CYP1B1: variants seen among roughly 807,000 people sequenced by gnomAD.
CYP1B1 encodes cytochrome P450 1B1.
CYP1B1 carries 22 observed loss-of-function variants against 29.9 expected under a neutral mutation model. The ratio of observed to expected loss-of-function variants is 0.74; its 90% confidence interval spans 0.53 to 1.05. CYP1B1 has a LOEUF of 1.05. CYP1B1 is among the 50% of genes least tolerant of loss of function. The pLI, the probability that CYP1B1 is intolerant of heterozygous loss-of-function variation, is 0.00. For missense variants in CYP1B1, 883 were observed against 746.9 expected (o/e 1.18, Z -2.12); for synonymous variants, 375 against 320.0 (o/e 1.17, Z -1.83).
intron 2 of CYP1B1, among the ~76,000 whole-genome samples, chr2:38,072,691 A>G (rs965083230): frequency 4.6e-5 from 7 of 152,214 alleles, no homozygotes; most frequent in African/African-American, 1.7e-4. Flanking sequence ...AGAAACATGT[A>G]TGGTGGGGAG....
At position 38,067,942 on chromosome 2, in the gene CYP1B1, A is replaced by C. The variant is rs1227211566; in HGVS notation, c.*2780T>G. 5.2e-6 allele frequency: 1 copy of C among 193,582 alleles called. No individual in the cohort carries two copies. Among genetic ancestry groups the C allele is most frequent in the African/African-American group, 2.3e-5 (1 of 43,234 alleles). 12.0% of individuals were successfully genotyped at this position (193,582 alleles called of 1,614,324 possible). A position where few individuals can be genotyped will look rare whatever the true frequency, so the allele number is the denominator to read the frequency against. On this transcript the variant is annotated 3_prime_UTR_variant, in exon 3 of 3. Transcript: ENST00000610745. Reference sequence around the variant, plus strand: ...CAACTATTTGATCTAATATAGATCTACTAGGAAAATATTAAGGCTGTAGTA... The same window carrying C: ...CAACTATTTGATCTAATATAGATCTCCTAGGAAAATATTAAGGCTGTAGTA...
Position 38,071,206 on chromosome 2 carries a change from G to T in CYP1B1, c.1148C>A (p.Ala383Asp), listed in dbSNP as rs1325509040. 1.2e-6 allele frequency: 2 copies of T among 1,613,516 alleles called. No individual in the cohort carries two copies. Among genetic ancestry groups the T allele is most frequent in the Non-Finnish European group, 1.7e-6 (2 of 1,180,032 alleles). The change falls in exon 3 of 3, where the codon GCC (alanine) becomes GAC (aspartate). Residue 383 changes from alanine to aspartate, a missense_variant. Physicochemically the swap from Ala to Asp is moderately radical, Grantham distance 126. Transcript: ENST00000610745. ...GAAGCGCATGGCTTCATAAAGGAAG[G>T]CCAGGACATAGGGCAGGTTGGGCTG... Reference protein sequence around the residue: ...GDQPNLPYVLAFLYEAMRFSS... With the variant: ...GDQPNLPYVLDFLYEAMRFSS...
chr2:38,070,842 A>C lies in CYP1B1; in HGVS notation c.1512T>G (p.Asn504Lys). The C allele has an allele frequency of 6.2e-7, 1 of 1,614,226 alleles. No homozygotes were observed. The highest frequency in any genetic ancestry group is 8.5e-7 in the Non-Finnish European group (1 of 1,180,040). ...RANPNEPAKM[N>K]FSYGLTIKPK... ...GTTTAATGGTTAGACCATAACTGAAATTCATTTTCGCAGGCTCATTTGGGT... is the reference window on the plus strand; with the variant it reads ...GTTTAATGGTTAGACCATAACTGAACTTCATTTTCGCAGGCTCATTTGGGT... Residue 504 changes from asparagine to lysine, a missense_variant, in exon 3 of 3, where the codon AAT becomes AAG. Transcript: ENST00000610745.
Position 38,071,043 on chromosome 2 carries a change from C to T in CYP1B1, c.1311G>A (p.Pro437=), listed in dbSNP as rs760289994. 13 of 1,613,924 alleles carry T rather than the reference C, an allele frequency of 8.1e-6. No homozygotes were observed. The highest frequency in any genetic ancestry group is 4.0e-5 in the African/African-American group (3 of 74,906). The change falls in exon 3 of 3, where the codon CCG becomes CCA. Residue 437 remains proline (P), a synonymous_variant. Coordinates refer to ENST00000610745, the MANE Select transcript of CYP1B1 (RefSeq NM_000104.4). ...VNHDPLKWPN[P]ENFDPARFLD... ...AGAATCGAGCTGGATCAAAGTTCTC[C>T]GGGTTAGGCCACTTCAGTGGGTCAT... is the stretch of plus-strand genomic sequence containing the variant.
chr2:38,074,236 G>A (rs1379986913), intron 2 of CYP1B1, 110 bp downstream of exon 2: 3 of 1,248,924 alleles, frequency 2.4e-6, no homozygotes, highest in East Asian at 5.0e-5. Flanking sequence ...GTGGGGACCT[G>A]GAGCGAAACC....
Position 38,069,262 on chromosome 2 carries a change from T to G in CYP1B1, c.*1460A>C, listed in dbSNP as rs137915099. ...AAAAAGCAGGCATTAATGTTAACTT[T>G]CAAAAAATCATCTAGAAGAGAAACT... On this transcript the variant is annotated 3_prime_UTR_variant, in exon 3 of 3. Transcript: ENST00000610745. 2 of 221,634 alleles carry G rather than the reference T, an allele frequency of 9.0e-6. No individual in the cohort carries two copies. The highest frequency in any genetic ancestry group is 1.8e-5 in the Non-Finnish European group (2 of 110,804). 13.7% of individuals were successfully genotyped at this position (221,634 alleles called of 1,614,324 possible).
At position 38,075,094 on chromosome 2, in the gene CYP1B1, CATTCAGCACCACTATGGG is replaced by C. The variant is rs1682507413; in HGVS notation, c.277_294del (p.Pro93_Asn98del). On this transcript the variant is annotated inframe_deletion, in exon 2 of 3. Coordinates refer to ENST00000610745, the MANE Select transcript of CYP1B1 (RefSeq NM_000104.4). ...AGGGCCTGGTGGATGGCGCGCTCGC[CATTCAGCACCACTATGGG>C]GCAGCTGCCCAGGCGGATCTGGAAA... is the stretch of plus-strand genomic sequence containing the variant. 6.3e-7 allele frequency: 1 copy of C among 1,580,306 alleles called. No homozygotes were observed. Among genetic ancestry groups the C allele is most frequent in the Non-Finnish European group, 8.5e-7 (1 of 1,170,986 alleles).
At chr2:38,073,833 T>C (rs923270552) in intron 2 of CYP1B1, 2 of 155,192 alleles carry the variant, frequency 1.3e-5, no homozygotes, top group Admixed American at 6.3e-5. Context: ...CCGGCCTCCA[T>C]GGGCTTCCTT....
rs1387526112 is a variant in CYP1B1, at chr2:38,075,377, G to A, written c.12C>T (p.Ser4=). Residue 4 remains serine (S), a synonymous_variant, in exon 2 of 3, where the codon AGC becomes AGT. Transcript: ENST00000610745. ...GCGGCCAAGGGTCGTTCGGGCTGAG[G>A]CTGGTGCCCATGCTGGGGACAGAGA... is the stretch of plus-strand genomic sequence containing the variant. The part of the protein sequence containing the change: MGT[S]LSPNDPWPLN... 2 of 1,612,696 alleles carry A rather than the reference G, an allele frequency of 1.2e-6. No individual in the cohort carries two copies. The highest frequency in any genetic ancestry group is 3.3e-5 in the Admixed American group (2 of 59,996).
Position 38,075,066 on chromosome 2 carries a change from A to C in CYP1B1, c.323T>G (p.Val108Gly). Residue 108 changes from valine to glycine, a missense_variant, in exon 2 of 3, where the codon GTG (valine) becomes GGG (glycine). Physicochemically the swap from Val to Gly is moderately radical, Grantham distance 109. Transcript: ENST00000610745. Reference protein sequence around the residue: ...NGERAIHQALVQQGSAFADRP... With the variant: ...NGERAIHQALGQQGSAFADRP... Reference sequence around the variant, plus strand: ...GTCGGCGAAGGCCGAGCCCTGCTGCACCAGGGCCTGGTGGATGGCGCGCTC... The same window carrying C: ...GTCGGCGAAGGCCGAGCCCTGCTGCCCCAGGGCCTGGTGGATGGCGCGCTC... The C allele has an allele frequency of 6.3e-7, 1 of 1,584,768 alleles. No individual in the cohort carries two copies. The highest frequency in any genetic ancestry group is 8.5e-7 in the Non-Finnish European group (1 of 1,173,378).
At chr2:38,072,629 T>A (rs1339594180) in intron 2 of CYP1B1, among the ~76,000 whole-genome samples, 1 of 152,230 alleles carries the variant, frequency 6.6e-6, no homozygotes, top group Non-Finnish European at 1.5e-5. Flanking sequence ...GGAGTTATTT[T>A]TAGAATCGCT....
chr2:38,075,390 C>G lies in CYP1B1; in HGVS notation c.-1-1G>C, dbSNP rs779053553. 47 of 1,612,022 alleles carry G rather than the reference C, an allele frequency of 2.9e-5. No individual in the cohort carries two copies. Among genetic ancestry groups the G allele is most frequent in the Non-Finnish European group, 3.8e-5 (45 of 1,179,874 alleles). Reference sequence around the variant, plus strand: ...GTTCGGGCTGAGGCTGGTGCCCATGCTGGGGACAGAGAGGAGAAGGCGTGA... The same window carrying G: ...GTTCGGGCTGAGGCTGGTGCCCATGGTGGGGACAGAGAGGAGAAGGCGTGA... On this transcript the variant is annotated splice_acceptor_variant, in intron 1 of 2. Transcript: ENST00000610745. LOFTEE classifies it low-confidence loss of function (5UTR_SPLICE).
rs1480099999 is a variant in CYP1B1 at position 38,069,263 on chromosome 2, CA to C, written c.*1458del. On this transcript the variant is annotated 3_prime_UTR_variant, in exon 3 of 3. Transcript: ENST00000610745. Reference sequence around the variant, plus strand: ...AAAAGCAGGCATTAATGTTAACTTTCAAAAAATCATCTAGAAGAGAAACTTG... The same window carrying C: ...AAAAGCAGGCATTAATGTTAACTTTCAAAAATCATCTAGAAGAGAAACTTG... 1 of 221,488 alleles carries C rather than the reference CA, an allele frequency of 4.5e-6. No homozygotes were observed. The highest frequency in any genetic ancestry group is 9.0e-6 in the Non-Finnish European group (1 of 110,788). The allele number at this position is 221,488 out of a possible 1,614,324, so 13.7% of individuals were successfully genotyped here. A position where few individuals can be genotyped will look rare whatever the true frequency, so the allele number is the denominator to read the frequency against.
In CYP1B1 at chr2:38,074,903, G is replaced by T; in HGVS notation, c.486C>A (p.Ser162Arg). Residue 162 changes from serine (S) to arginine (R), a missense_variant, in exon 2 of 3, where the codon AGC becomes AGA. Physicochemically the swap from Ser to Arg is moderately radical, Grantham distance 110. Transcript: ENST00000610745. ...GCACGTGGCCCTCGAGGACTTGGCGGCTGCGCGGCTGGCGCGTGAAGAAGT... is the reference window on the plus strand; with the variant it reads ...GCACGTGGCCCTCGAGGACTTGGCGTCTGCGCGGCTGGCGCGTGAAGAAGT... The part of the protein sequence containing the change: ...MRNFFTRQPR[S>R]RQVLEGHVLS... 1 of 1,555,116 alleles carries T rather than the reference G, an allele frequency of 6.4e-7. No individual in the cohort carries two copies. The highest frequency in any genetic ancestry group is 8.7e-7 in the Non-Finnish European group (1 of 1,154,486).
chr2:38,072,285 G>C (rs984488437), intron 2 of CYP1B1, among the ~76,000 whole-genome samples: 1 of 152,228 alleles, frequency 6.6e-6, no homozygotes, highest in Non-Finnish European at 1.5e-5. Flanking sequence ...CTACCTGCCA[G>C]ACAGCGGCGG....
chr2:38,072,496 C>T (rs879277681), intron 2 of CYP1B1, among the ~76,000 whole-genome samples: 1 of 151,974 alleles, frequency 6.6e-6, no homozygotes, highest in Non-Finnish European at 1.5e-5. Context: ...TCAAAAATTA[C>T]CAAAATAAAT....
rs1682524203 is a variant in CYP1B1, at chr2:38,075,605, G to T, written c.-2+175C>A. 6.6e-6 allele frequency: 4 copies of T among 603,258 alleles called. No individual in the cohort carries two copies. The South Asian group carries it at 7.9e-5, about 12-fold the overall frequency. 37.4% of individuals were successfully genotyped at this position (603,258 alleles called of 1,614,324 possible). ...TGTTTCCACCTCGCTGTAACCCAGCGCCAAACCCTTCCCCTCCCCGCAAGG... is the reference window on the plus strand; with the variant it reads ...TGTTTCCACCTCGCTGTAACCCAGCTCCAAACCCTTCCCCTCCCCGCAAGG... On this transcript the variant is annotated intron_variant, in intron 1 of 2. Coordinates refer to ENST00000610745, the MANE Select transcript of CYP1B1 (RefSeq NM_000104.4).
Position 38,074,805 on chromosome 2 carries a change from G to T in CYP1B1, c.584C>A (p.Pro195Gln). 1 of 1,579,314 alleles carries T rather than the reference G, an allele frequency of 6.3e-7. No individual in the cohort carries two copies. The highest frequency in any genetic ancestry group is 8.6e-7 in the Non-Finnish European group (1 of 1,162,982). Residue 195 changes from proline to glutamine, a missense_variant, in exon 2 of 3, where the codon CCG (proline) becomes CAG (glutamine). By Grantham distance (76) the Pro-to-Gln change is moderately conservative. Coordinates refer to ENST00000610745, the MANE Select transcript of CYP1B1 (RefSeq NM_000104.4). ...GTTGGCCACGGCCACGACGGTCAGCGGCCTCGGGTCGAGGAAGGCGCCGTC... is the reference window on the plus strand; with the variant it reads ...GTTGGCCACGGCCACGACGGTCAGCTGCCTCGGGTCGAGGAAGGCGCCGTC... ...SADGAFLDPR[P>Q]LTVVAVANVM...
At position 38,071,113 on chromosome 2, in the gene CYP1B1, A is replaced by C; in HGVS notation, c.1241T>G (p.Ile414Ser). The C allele has an allele frequency of 6.2e-7, 1 of 1,613,266 alleles. No homozygotes were observed. The highest frequency in any genetic ancestry group is 1.1e-5 in the South Asian group (1 of 91,086). The stretch of plus-strand genomic sequence containing the variant: ...GACAAAAACCACAGTGTCCTTGGGA[A>C]TGTGGTAGCCCAAGACAGAGGTGTT... ...TANTSVLGYH[I>S]PKDTVVFVNQ... Residue 414 changes from isoleucine to serine, a missense_variant, in exon 3 of 3, where the codon ATT becomes AGT. Physicochemically the swap from Ile to Ser is moderately radical, Grantham distance 142. Coordinates refer to ENST00000610745, the MANE Select transcript of CYP1B1 (RefSeq NM_000104.4).
Sources: gnomAD v4.1 joint callset for allele counts (sites outside exome capture counted in the v4.1 genomes callset) on GRCh38, gnomAD v4.1.1 for gene constraint, MANE v1.5 for transcripts, NCBI Gene and HGNC (gene_info 2026-07-23, HGNC 2026-07-21) for gene names.